The following TENM2 variants were observed in gnomAD, a reference collection of about 807,000 sequenced individuals.
TENM2 encodes the protein teneurin transmembrane protein 2.
A neutral mutation model predicts 245.2 loss-of-function variants in TENM2; 52 were observed. The observed-to-expected ratio is 0.21, with a 90% CI of 0.17 to 0.27. The LOEUF (loss-of-function observed/expected upper bound fraction) is 0.27. Among genes scored for constraint, TENM2 ranks in the 10% least tolerant of loss-of-function variants. The pLI is 1.00. For missense variants in TENM2, 3,046 were observed against 3,666.8 expected, an observed-to-expected ratio of 0.83 and a Z score of 4.37; for synonymous variants, 1,363 against 1,438.9, an observed-to-expected ratio of 0.95 and a Z score of 1.19.
the TENM2 span, among the ~76,000 whole-genome samples, chr5:167,252,660 G>GAA: frequency 6.6e-6 from 1 of 152,114 alleles, no homozygotes; most frequent in African/African-American, 2.4e-5. Context: ...CTGCAAAGGA[G>GAA]ACTATGACAT....
chr5:166,997,100 A>G, the TENM2 span, among the ~76,000 whole-genome samples: 1 of 152,180 alleles, frequency 6.6e-6, no homozygotes, highest in East Asian at 1.9e-4. Flanking sequence ...GTGTAATACT[A>G]TGATATATCA....
At chr5:167,149,061 A>G in the TENM2 span, among the ~76,000 whole-genome samples, 1 of 152,164 alleles carries the variant, frequency 6.6e-6, no homozygotes. Flanking sequence ...GTACATGTGC[A>G]CAAGGTGCAG....
intron 12 of TENM2, among the ~76,000 whole-genome samples, chr5:168,142,210 T>A (rs1472693879): frequency 6.6e-6 from 1 of 152,168 alleles, no homozygotes; most frequent in Non-Finnish European, 1.5e-5. Flanking sequence ...CATTAGGGAG[T>A]TTGGCCACTA....
intron 2 of TENM2, among the ~76,000 whole-genome samples, chr5:167,634,005 T>C (rs1237333497): frequency 6.6e-6 from 1 of 152,176 alleles, no homozygotes; most frequent in African/African-American, 2.4e-5. Flanking sequence ...ACCATGGGTG[T>C]TGTAACTGTG....
the TENM2 span, among the ~76,000 whole-genome samples, chr5:167,171,856 C>T: frequency 4.6e-5 from 7 of 152,196 alleles, no homozygotes; most frequent in East Asian, 3.9e-4. Context: ...GGTTAGCTTC[C>T]GGCCACCCAG....
the TENM2 span, among the ~76,000 whole-genome samples, chr5:166,998,750 G>A: frequency 6.6e-6 from 1 of 152,200 alleles, no homozygotes; most frequent in Non-Finnish European, 1.5e-5. Flanking sequence ...TGAACAGTTA[G>A]AGAAATGTGA....
the TENM2 span, among the ~76,000 whole-genome samples, chr5:167,222,608 T>G: frequency 0.21 from 32,226 of 151,992 alleles, 4,058 homozygotes; most frequent in African/African-American, 0.36. Context: ...TGAATCACTT[T>G]TATTTATGGA....
At chr5:167,889,820 G>T (rs2151454353) in intron 3 of TENM2, among the ~76,000 whole-genome samples, 1 of 151,952 alleles carries the variant, frequency 6.6e-6, no homozygotes, top group South Asian at 2.1e-4. Flanking sequence ...TAACCTGCGT[G>T]CCTTCTCGTG....
intron 4 of TENM2, among the ~76,000 whole-genome samples, chr5:167,953,816 T>A (rs1780312057): frequency 6.6e-6 from 1 of 152,214 alleles, no homozygotes; most frequent in South Asian, 2.1e-4. Flanking sequence ...TGAATTCTCT[T>A]CACACAGCTG....
the TENM2 span, among the ~76,000 whole-genome samples, chr5:167,202,944 A>G: frequency 1.3e-5 from 2 of 152,172 alleles, no homozygotes; most frequent in South Asian, 2.1e-4. Context: ...CAAATCCTAC[A>G]TGGTAAGTAA....
intron 14 of TENM2, among the ~76,000 whole-genome samples, chr5:168,191,617 C>T (rs1296392600): frequency 6.6e-6 from 1 of 151,298 alleles, no homozygotes. Flanking sequence ...CCCTGACGAC[C>T]CCCATTGTGC....
At chr5:167,376,643 G>A (rs1760770373) in intron 2 of TENM2, among the ~76,000 whole-genome samples, 2 of 151,954 alleles carry the variant, frequency 1.3e-5, no homozygotes, top group South Asian at 4.2e-4. Context: ...TCTACAGTGG[G>A]GACAAGGGGA....
At chr5:167,319,934 A>G (rs1756609574) in intron 1 of TENM2, among the ~76,000 whole-genome samples, 1 of 152,208 alleles carries the variant, frequency 6.6e-6, no homozygotes, top group Non-Finnish European at 1.5e-5. Context: ...TCATTCTGCA[A>G]ATACTTATTA....
the TENM2 span, among the ~76,000 whole-genome samples, chr5:167,040,244 C>G: frequency 8.6e-5 from 13 of 151,890 alleles, no homozygotes; most frequent in Non-Finnish European, 1.3e-4. Flanking sequence ...TTGCTGTTTA[C>G]AATTTCAGTG....
At chr5:167,768,748 T>A (rs1763206590) in intron 2 of TENM2, among the ~76,000 whole-genome samples, 1 of 152,226 alleles carries the variant, frequency 6.6e-6, no homozygotes, top group African/African-American at 2.4e-5. Flanking sequence ...CATGCCTTTC[T>A]CATGAGATTC....
chr5:167,403,114 TATATATGCAC>T (rs1231932187), intron 2 of TENM2, among the ~76,000 whole-genome samples: 8 of 152,124 alleles, frequency 5.3e-5, no homozygotes, highest in Non-Finnish European at 1.0e-4. Flanking sequence ...AGAAAATATG[TATATATGCAC>T]ATATGTGAGT....
intron 4 of TENM2, among the ~76,000 whole-genome samples, chr5:167,981,571 G>A (rs1232227141): frequency 6.6e-6 from 1 of 152,200 alleles, no homozygotes; most frequent in African/African-American, 2.4e-5. Context: ...AAAGGCCTGT[G>A]CTGAATTCCC....
chr5:168,236,937 ATCATATATATATAT>A (rs1765470539), intron 25 of TENM2, among the ~76,000 whole-genome samples: 2 of 61,298 alleles, frequency 3.3e-5, no homozygotes, highest in Non-Finnish European at 5.9e-5. Context: ...AGATGTCCTA[ATCATATATATATAT>A]ATATATATAT....
At chr5:167,250,328 G>C in the TENM2 span, among the ~76,000 whole-genome samples, 2 of 151,524 alleles carry the variant, frequency 1.3e-5, no homozygotes, top group African/African-American at 4.9e-5. Flanking sequence ...CTCATAAAAA[G>C]ACGAAAAAAA....
Sources: allele counts gnomAD v4.1 joint callset (sites outside exome capture counted in the v4.1 genomes callset), GRCh38; gene constraint gnomAD v4.1.1; transcripts MANE v1.5; gene names NCBI Gene and HGNC (gene_info 2026-07-23, HGNC 2026-07-21).